Variants in GALNTL6 observed in about 807,000 individuals in gnomAD.
The protein encoded by GALNTL6 is polypeptide N-acetylgalactosaminyltransferase-like 6.
GALNTL6 carries 46 observed loss-of-function variants against 73.7 expected under a neutral mutation model. The ratio of observed to expected loss-of-function variants is 0.62; its 90% CI spans 0.49 to 0.80. GALNTL6 has a LOEUF of 0.80. Among genes scored for constraint, GALNTL6 ranks in the 30% least tolerant of loss-of-function variants. GALNTL6 has a pLI of 0.00. For synonymous variants in GALNTL6, 259 were observed against 263.7 expected (o/e 0.98, Z 0.17); for missense variants, 604 against 755.0 (o/e 0.80, Z 2.34).
At chr4:172,993,832 G>T (rs1751650936) in intron 10 of GALNTL6, among the ~76,000 whole-genome samples, 1 of 152,166 alleles carries the variant, frequency 6.6e-6, no homozygotes, top group South Asian at 2.1e-4. Flanking sequence ...TGAGGCAGAA[G>T]AATCACTAGA....
At chr4:172,151,307 G>A (rs1474682304) in intron 2 of GALNTL6, among the ~76,000 whole-genome samples, 1 of 152,072 alleles carries the variant, frequency 6.6e-6, no homozygotes, top group African/African-American at 2.4e-5. Flanking sequence ...ACGAGATAAA[G>A]TTTGTTTTAA....
intron 2 of GALNTL6, among the ~76,000 whole-genome samples, chr4:172,181,414 TC>T (rs1232578617): frequency 6.6e-6 from 1 of 152,050 alleles, no homozygotes; most frequent in Non-Finnish European, 1.5e-5. Flanking sequence ...AAATTCAACA[TC>T]CCTTCATGCT....
At chr4:172,280,946 G>A (rs1739025159) in intron 3 of GALNTL6, among the ~76,000 whole-genome samples, 1 of 151,250 alleles carries the variant, frequency 6.6e-6, no homozygotes, top group African/African-American at 2.4e-5. Context: ...GGATCACGAG[G>A]TCAGGAGATC....
chr4:172,264,553 CAAATATATATATATAT>C (rs1385677197), intron 3 of GALNTL6, among the ~76,000 whole-genome samples: 61 of 25,812 alleles, frequency 2.4e-3, no homozygotes, highest in African/African-American at 7.3e-3. Flanking sequence ...TAATATATGC[CAAATATATATATATAT>C]ATATATATAT....
intron 4 of GALNTL6, among the ~76,000 whole-genome samples, chr4:172,338,075 TC>T (rs1741407423): frequency 6.6e-6 from 1 of 152,220 alleles, no homozygotes; most frequent in Non-Finnish European, 1.5e-5. Flanking sequence ...ATGAAAGTCT[TC>T]AACTGTATTT....
chr4:171,883,960 T>G (rs932168037), intron 2 of GALNTL6, among the ~76,000 whole-genome samples: 3 of 152,140 alleles, frequency 2.0e-5, no homozygotes, highest in African/African-American at 7.2e-5. Flanking sequence ...TATGTGCTTT[T>G]CTTAGAAGTC....
At chr4:172,005,091 T>G (rs529946759) in intron 2 of GALNTL6, among the ~76,000 whole-genome samples, 1 of 147,868 alleles carries the variant, frequency 6.8e-6, no homozygotes, top group Non-Finnish European at 1.5e-5. Flanking sequence ...TAGAAATAGC[T>G]TCTCTTAAAA....
chr4:171,924,806 C>T (rs1737924309), intron 2 of GALNTL6, among the ~76,000 whole-genome samples: 1 of 152,150 alleles, frequency 6.6e-6, no homozygotes, highest in Admixed American at 6.6e-5. Flanking sequence ...TTTCCTGTGG[C>T]TGTTGTATCA....
intron 2 of GALNTL6, among the ~76,000 whole-genome samples, chr4:172,130,834 A>T (rs898045031): frequency 6.6e-6 from 1 of 152,072 alleles, no homozygotes; most frequent in Non-Finnish European, 1.5e-5. Flanking sequence ...TTAAATTTTT[A>T]AAAATGGAGG....
chr4:172,548,264 A>G (rs1001156509), intron 5 of GALNTL6, among the ~76,000 whole-genome samples: 6 of 152,220 alleles, frequency 3.9e-5, no homozygotes, highest in Non-Finnish European at 8.8e-5. Flanking sequence ...TTTTAGCCAT[A>G]AATGTAAAAG....
chr4:172,197,906 G>A (rs963965819), intron 2 of GALNTL6, among the ~76,000 whole-genome samples: 4 of 152,084 alleles, frequency 2.6e-5, no homozygotes, highest in African/African-American at 7.2e-5. Context: ...TTAAGAGATC[G>A]AGACCATCCT....
intron 2 of GALNTL6, among the ~76,000 whole-genome samples, chr4:172,013,993 T>A (rs1295392828): frequency 1.3e-5 from 2 of 152,076 alleles, no homozygotes; most frequent in African/African-American, 4.8e-5. Flanking sequence ...GTGCCTAGCT[T>A]ATTTCACTTA....
chr4:172,400,758 T>C (rs1744007587), intron 5 of GALNTL6, among the ~76,000 whole-genome samples: 1 of 152,082 alleles, frequency 6.6e-6, no homozygotes, highest in Non-Finnish European at 1.5e-5. Context: ...AAGCCGACGA[T>C]GTAAGAGCCC....
chr4:172,336,220 T>A (rs1741310838), intron 4 of GALNTL6, among the ~76,000 whole-genome samples: 1 of 151,534 alleles, frequency 6.6e-6, no homozygotes, highest in Non-Finnish European at 1.5e-5. Context: ...GCAAGTTGTT[T>A]AATTTCTATG....
chr4:172,506,733 T>C lies in GALNTL6; in HGVS notation c.553+158044T>C, dbSNP rs796512508. Among the ~76,000 whole-genome samples the C allele has an allele frequency of 1.5e-4, 8 of 54,564 alleles. 3 individuals are homozygous for C. Among genetic ancestry groups the C allele is most frequent in the African/African-American group, 3.7e-4 (8 of 21,846 alleles). 35.8% of individuals were successfully genotyped at this position (54,564 alleles called of 152,430 possible). A position where few individuals can be genotyped will look rare whatever the true frequency, so the allele number is the denominator to read the frequency against. On this transcript the variant is annotated intron_variant, in intron 5 of 12. Transcript: ENST00000506823. ...GTTCTCCATACAGCAACCAGAATCA[T>C]GCTTTAAAAAAAATCTTACTATGCA... is the stretch of plus-strand genomic sequence containing the variant.
intron 2 of GALNTL6, among the ~76,000 whole-genome samples, chr4:172,221,717 C>T (rs1736682026): frequency 6.6e-6 from 1 of 151,726 alleles, no homozygotes; most frequent in Non-Finnish European, 1.5e-5. Context: ...AGAGGACTTT[C>T]CTGCTGAGCT....
chr4:172,942,661 C>T (rs1310599839), intron 9 of GALNTL6, among the ~76,000 whole-genome samples: 1 of 152,164 alleles, frequency 6.6e-6, no homozygotes, highest in Non-Finnish European at 1.5e-5. Flanking sequence ...GCTGCACCGC[C>T]CCGGATTTGC....
At position 172,526,245 on chromosome 4, in the gene GALNTL6, C is replaced by T. The variant is rs542678782; in HGVS notation, c.553+177556C>T. On this transcript the variant is annotated intron_variant, in intron 5 of 12. Transcript: ENST00000506823. ...TAAAATATGTCATATTTACTTTTCA[C>T]TTTTGTTTCTAAATAAAATCCTGGT... Among the ~76,000 whole-genome samples the T allele has an allele frequency of 2.0e-5, 3 of 152,240 alleles. No homozygotes were observed. In the East Asian group the frequency reaches 5.8e-4, roughly 29 times the overall value.
chr4:171,953,673 T>G (rs889456039), intron 2 of GALNTL6, among the ~76,000 whole-genome samples: 2 of 152,102 alleles, frequency 1.3e-5, no homozygotes, highest in African/African-American at 2.4e-5. Flanking sequence ...TACATTAAAA[T>G]TGAGTATAAT....
Sources: gnomAD v4.1 joint callset for allele counts (sites outside exome capture counted in the v4.1 genomes callset) on GRCh38, gnomAD v4.1.1 for gene constraint, MANE v1.5 for transcripts, NCBI Gene and HGNC (gene_info 2026-07-23, HGNC 2026-07-21) for gene names.